MYO1B: variants seen among roughly 807,000 people sequenced by gnomAD.
MYO1B encodes the protein unconventional myosin-Ib.
In MYO1B, 72 loss-of-function variants were observed where a neutral mutation model predicts 159.7. The observed-to-expected ratio is 0.45, with a 90% confidence interval of 0.37 to 0.55. The LOEUF (loss-of-function observed/expected upper bound fraction) is 0.55, where lower values mean the gene tolerates loss of function less well. MYO1B is among the 20% of genes least tolerant of loss of function. MYO1B has a pLI of 0.00. For synonymous variants in MYO1B, 468 were observed against 473.8 expected (o/e 0.99, Z 0.16); for missense variants, 1,062 against 1,364.8 (o/e 0.78, Z 3.50).
intron 23 of MYO1B, chr2:191,402,041 T>C (rs947012830): frequency 6.6e-5 from 10 of 152,658 alleles, no homozygotes; most frequent in African/African-American, 2.2e-4. Flanking sequence ...TTAGCTAAAA[T>C]TGAATTTTTA....
intron 30 of MYO1B, among the ~76,000 whole-genome samples, chr2:191,418,482 A>AGTTTTTT (rs1697716182): frequency 1.2e-5 from 1 of 81,044 alleles, no homozygotes; most frequent in Non-Finnish European, 2.2e-5. Context: ...TCTTTAGTGG[A>AGTTTTTT]TTTTTTTTTT....
chr2:191,369,613 C>T lies in MYO1B; in HGVS notation c.1104C>T (p.Ile368=). Residue 368 remains isoleucine, a synonymous_variant, in exon 12 of 31, where the codon ATC becomes ATT. Coordinates refer to ENST00000392318, the MANE Select transcript of MYO1B (RefSeq NM_001130158.3). ...SRLFSWLVNR[I]NESIKAQTKV... Reference sequence around the variant, plus strand: ...TGTTTTCATGGTTGGTAAATCGAATCAATGAAAGCATTAAGGTACTGAATT... The same window carrying T: ...TGTTTTCATGGTTGGTAAATCGAATTAATGAAAGCATTAAGGTACTGAATT... 1 of 1,612,868 alleles carries T rather than the reference C, an allele frequency of 6.2e-7. No individual in the cohort carries two copies.
chr2:191,400,385 C>G lies in MYO1B; in HGVS notation c.2299C>G (p.Arg767Gly), dbSNP rs1467876594. ...TTTGGGTGATTCTGCCCTTTAGGCT[C>G]GAAAAATTCTGCGGGAACTGAAGCA... ...IQSYIRGWKA[R>G]KILRELKHQK... Residue 767 changes from arginine to glycine, a missense_variant, in exon 22 of 31, where the codon CGA (arginine) becomes GGA (glycine). Coordinates refer to ENST00000392318, the MANE Select transcript of MYO1B (RefSeq NM_001130158.3). 2 of 1,613,706 alleles carry G rather than the reference C, an allele frequency of 1.2e-6. No individual in the cohort carries two copies. Among genetic ancestry groups the G allele is most frequent in the Admixed American group, 1.7e-5 (1 of 59,994 alleles).
chr2:191,418,337 C>T (rs528365802), intron 30 of MYO1B, among the ~76,000 whole-genome samples: 7 of 14,064 alleles, frequency 5.0e-4, no homozygotes, highest in African/African-American at 5.3e-4. Context: ...AAACCACATG[C>T]AGTTTAGTGA....
chr2:191,375,764 G>A (rs189002514), intron 13 of MYO1B, among the ~76,000 whole-genome samples: 1 of 152,012 alleles, frequency 6.6e-6, no homozygotes, highest in Non-Finnish European at 1.5e-5. Flanking sequence ...TTCAAGACCA[G>A]CCTGACCAAC....
At chr2:191,287,746 C>T (rs1688464328) in intron 2 of MYO1B, among the ~76,000 whole-genome samples, 2 of 152,106 alleles carry the variant, frequency 1.3e-5, no homozygotes, top group East Asian at 1.9e-4. Context: ...GTTCAAATCC[C>T]ATCAGTTTCA....
rs1437595675 is a variant in MYO1B, at chr2:191,370,289, C to T, written c.1182C>T (p.Phe394=). 1.1e-5 allele frequency: 17 copies of T among 1,612,216 alleles called. No homozygotes were observed. The highest frequency in any genetic ancestry group is 6.7e-5 in the East Asian group (3 of 44,776). ...GVLDIYGFEI[F]EDNSFEQFII... ...TGGACATTTATGGCTTTGAGATTTT[C>T]GAGGTAAGATTTAAAATTTTTTTTG... is the stretch of plus-strand genomic sequence containing the variant. Residue 394 remains phenylalanine, a synonymous_variant, in exon 13 of 31, where the codon TTC becomes TTT. Transcript: ENST00000392318.
rs1056035456 is a variant in MYO1B at position 191,424,349 on chromosome 2, A to C, written c.*389A>C. 5.7e-6 allele frequency: 1 copy of C among 176,342 alleles called. No homozygotes were observed. Among genetic ancestry groups the C allele is most frequent in the African/African-American group, 2.4e-5 (1 of 42,090 alleles). The allele number at this position is 176,342 out of a possible 1,614,324, so 10.9% of individuals were successfully genotyped here. ...ATTCCATGCCTACTCTATGCTAGGC[A>C]CTGTGCTAGATGGTATGAAAACTTA... On this transcript the variant is annotated 3_prime_UTR_variant, in exon 31 of 31. Coordinates refer to ENST00000392318, the MANE Select transcript of MYO1B (RefSeq NM_001130158.3).
intron 2 of MYO1B, among the ~76,000 whole-genome samples, chr2:191,279,073 C>T (rs574451758): frequency 8.5e-5 from 13 of 152,308 alleles, no homozygotes; most frequent in African/African-American, 1.7e-4. Context: ...CTTTAGCAGA[C>T]GAAATGTCTG....
At chr2:191,312,504 T>C (rs2125865332) in intron 3 of MYO1B, among the ~76,000 whole-genome samples, 1 of 152,372 alleles carries the variant, frequency 6.6e-6, no homozygotes, top group African/African-American at 2.4e-5. Context: ...TTTTTATTAA[T>C]CATATGACTT....
At chr2:191,392,574 C>T (rs899055767) in intron 19 of MYO1B, among the ~76,000 whole-genome samples, 1 of 151,994 alleles carries the variant, frequency 6.6e-6, no homozygotes, top group Admixed American at 6.6e-5. Flanking sequence ...TACAGGAAAG[C>T]ACTAAAATGA....
At chr2:191,364,673 C>T (rs187093473) in intron 11 of MYO1B, among the ~76,000 whole-genome samples, 1 of 152,296 alleles carries the variant, frequency 6.6e-6, no homozygotes, top group African/African-American at 2.4e-5. Context: ...GTCACTCTGG[C>T]TGTGATGTGG....
chr2:191,346,077 T>C (rs1692547109), intron 5 of MYO1B, among the ~76,000 whole-genome samples, 159 bp from the exon 6 acceptor site: 1 of 152,238 alleles, frequency 6.6e-6, no homozygotes, highest in African/African-American at 2.4e-5. Context: ...TTACTAAGAC[T>C]TCTGTTAAGT....
At chr2:191,337,645 A>G (rs1691943499) in intron 4 of MYO1B, among the ~76,000 whole-genome samples, 1 of 148,764 alleles carries the variant, frequency 6.7e-6, no homozygotes, top group South Asian at 2.1e-4. Flanking sequence ...ATTCAAACAT[A>G]TATATATATA....
At chr2:191,308,530 C>T (rs1689790935) in intron 3 of MYO1B, among the ~76,000 whole-genome samples, 1 of 152,128 alleles carries the variant, frequency 6.6e-6, no homozygotes, top group Non-Finnish European at 1.5e-5. Context: ...AAGTCATTTC[C>T]CCTGTCTACT....
At chr2:191,329,795 G>C (rs1691343794) in intron 3 of MYO1B, 140 bp from the exon 4 acceptor site, 1 of 595,914 alleles carries the variant, frequency 1.7e-6, no homozygotes, top group African/African-American at 1.9e-5. Context: ...TGGATTTTAA[G>C]AATTCAAAGG....
rs774031763 is a variant in MYO1B, at chr2:191,370,235, A to C, written c.1128A>C (p.Thr376=). 1.9e-6 allele frequency: 3 copies of C among 1,612,872 alleles called. No individual in the cohort carries two copies. The African/African-American group carries it at 4.0e-5, about 22-fold the overall frequency. ...NRINESIKAQ[T]KVRKKVMGVL... is the part of the protein sequence containing the mutation. The stretch of plus-strand genomic sequence containing the variant: ...TTTGAAACTTTTTAAAGGCACAAAC[A>C]AAAGTGAGAAAGAAGGTCATGGGTG... Residue 376 remains threonine (T), a synonymous_variant, in exon 13 of 31, where the codon ACA becomes ACC. Transcript: ENST00000392318.
rs1339441148 is a variant in MYO1B, at chr2:191,400,741, C to A, written c.2383-8C>A. ...CTTTTCTGTAACTCCTTTTCAAATGCATCACAGGCACGAAGGGAACTGAGA... is the reference window on the plus strand; with the variant it reads ...CTTTTCTGTAACTCCTTTTCAAATGAATCACAGGCACGAAGGGAACTGAGA... On this transcript the variant is annotated splice_region_variant and splice_polypyrimidine_tract_variant and intron_variant, in intron 22 of 30. Transcript: ENST00000392318. The A allele has an allele frequency of 6.2e-7, 1 of 1,613,510 alleles. No homozygotes were observed. The highest frequency in any genetic ancestry group is 8.5e-7 in the Non-Finnish European group (1 of 1,179,680).
intron 1 of MYO1B, among the ~76,000 whole-genome samples, chr2:191,259,251 G>A (rs1393050793): frequency 6.6e-6 from 1 of 152,188 alleles, no homozygotes; most frequent in Admixed American, 6.5e-5. Flanking sequence ...AGCATAATAG[G>A]ATTTAGGGGG....
Sources: allele counts gnomAD v4.1 joint callset (sites outside exome capture counted in the v4.1 genomes callset), GRCh38; gene constraint gnomAD v4.1.1; transcripts MANE v1.5; gene names NCBI Gene and HGNC (gene_info 2026-07-23, HGNC 2026-07-21).